PLXNA3: variants seen among roughly 807,000 people sequenced by gnomAD.
The protein encoded by PLXNA3 is plexin-A3.
A neutral mutation model predicts 118.8 loss-of-function variants in PLXNA3; 52 were observed. The ratio of observed to expected loss-of-function variants is 0.44; its 90% confidence interval spans 0.35 to 0.55. The LOEUF is 0.55. Ranked by LOEUF, PLXNA3 falls within the 20% of genes least tolerant of loss-of-function variation. PLXNA3 has a pLI of 0.01. For missense variants in PLXNA3, 1,660 were observed against 1,730.8 expected (o/e 0.96, Z 0.73); for synonymous variants, 925 against 762.4 (o/e 1.21, Z -3.51).
intron 9 of PLXNA3, 72 bp from the exon 10 acceptor site, chrX:154,464,682 A>G: frequency 1.3e-6 from 1 of 778,366 alleles, no homozygotes; most frequent in South Asian, 2.6e-5. Flanking sequence ...TCAGTTCCCG[A>G]TGTGTCCTAT....
rs376749607 is a variant in PLXNA3 at position 154,461,687 on chromosome X, A to G, written c.1134+49A>G. 58 of 1,097,386 alleles carry G rather than the reference A, an allele frequency of 5.3e-5. No homozygotes were observed. The African/African-American group carries it at 9.2e-4, about 17-fold the overall frequency. The allele number at this position is 1,097,386 out of a possible 1,213,427, so 90.4% of individuals were successfully genotyped here. On this transcript the variant is annotated intron_variant, in intron 3 of 32. Transcript: ENST00000369682. ...TGGTCCTCTGCCCTGTCCCAGGTCT[A>G]CCATGCCCAGCGTGGGCTCACGGCC...
rs782671141 is a variant in PLXNA3, at chrX:154,463,603, C to T, written c.1460C>T (p.Pro487Leu). The T allele has an allele frequency of 1.9e-4, 230 of 1,198,106 alleles. 1 individual carries two copies. Among genetic ancestry groups the T allele is most frequent in the Non-Finnish European group, 2.5e-4 (225 of 890,801 alleles). Reference protein sequence around the residue: ...LLSEKQVSQLPVETCEQYQSC... With the variant: ...LLSEKQVSQLLVETCEQYQSC... ...GGCTGTCCCCAGGTGAGCCAGCTCC[C>T]GGTGGAGACCTGTGAGCAGTACCAG... The change falls in exon 6 of 33, where the codon CCG becomes CTG. Residue 487 changes from proline (P) to leucine (L), a missense_variant. Around this residue, in one of 2 missense-constraint regions of PLXNA3, gnomAD observed 791 missense variants for 652.1 expected, o/e 1.21. Transcript: ENST00000369682.
rs199916597 is a variant in PLXNA3, at chrX:154,468,065, C to T, written c.3821-17C>T. ...GACCTCCCTCCTGCCCACTCATTCC[C>T]TCTCTCCACCCCCCAGCTTTTGCAG... On this transcript the variant is annotated splice_polypyrimidine_tract_variant and intron_variant, in intron 21 of 32. Transcript: ENST00000369682. 9.2e-6 allele frequency: 11 copies of T among 1,193,651 alleles called. No homozygotes were observed. The highest frequency in any genetic ancestry group is 1.1e-5 in the Non-Finnish European group (10 of 883,992).
chrX:154,470,083 C>T lies in PLXNA3; in HGVS notation c.4902C>T (p.Asn1634=). The change falls in exon 29 of 33, where the codon AAC becomes AAT. Residue 1634 remains asparagine (N), a synonymous_variant. Transcript: ENST00000369682. ...TGTKLWHLVK[N]HDHADHREGD... ...CCAAATTGTGGCACCTGGTGAAAAA[C>T]CACGACCATGCCGACCATCGCGAGG... is the stretch of plus-strand genomic sequence containing the variant. The T allele has an allele frequency of 8.3e-7, 1 of 1,211,505 alleles. No individual in the cohort carries two copies. The highest frequency in any genetic ancestry group is 1.1e-6 in the Non-Finnish European group (1 of 895,471).
Position 154,465,157 on chromosome X carries a change from G to A in PLXNA3, c.2183G>A (p.Arg728Gln), listed in dbSNP as rs782812977. ...GAGTGCGTGGTGCGGGTGCAGGGGCGGCAGCAGCGGGTGCCTGCCGTGCGC... is the reference window on the plus strand; with the variant it reads ...GAGTGCGTGGTGCGGGTGCAGGGGCAGCAGCAGCGGGTGCCTGCCGTGCGC... ...NYECVVRVQG[R>Q]QQRVPAVRFN... is the part of the protein sequence containing the mutation. Residue 728 changes from arginine to glutamine, a missense_variant, in exon 11 of 33, where the codon CGG becomes CAG. By Grantham distance (43) the Arg-to-Gln change is conservative. Around this residue, in one of 2 missense-constraint regions of PLXNA3, gnomAD observed 869 missense variants for 1,078.7 expected, o/e 0.81. Transcript: ENST00000369682. 5.9e-5 allele frequency: 71 copies of A among 1,208,801 alleles called. No homozygotes were observed. The highest frequency in any genetic ancestry group is 7.2e-5 in the Non-Finnish European group (64 of 894,934).
chrX:154,463,978 C>T lies in PLXNA3; in HGVS notation c.1575C>T (p.Gly525=), dbSNP rs782359286. 81 of 1,188,904 alleles carry T rather than the reference C, an allele frequency of 6.8e-5. No homozygotes were observed. Among genetic ancestry groups the T allele is most frequent in the Non-Finnish European group, 8.1e-5 (72 of 885,248 alleles). ...HRCCREGACL[G]ASAPHGFAEE... The stretch of plus-strand genomic sequence containing the variant: ...GCTGCCGCGAAGGGGCCTGTCTGGG[C>T]GCCTCTGCCCCACACGGCTTTGCTG... The change falls in exon 7 of 33, where the codon GGC becomes GGT. Residue 525 remains glycine, a synonymous_variant. Coordinates refer to ENST00000369682, the MANE Select transcript of PLXNA3 (RefSeq NM_017514.5).
intron 11 of PLXNA3, 81 bp downstream of exon 11, chrX:154,465,299 G>A (rs2069060678): frequency 9.4e-7 from 1 of 1,059,986 alleles, no homozygotes; most frequent in East Asian, 3.1e-5. Context: ...CCAGCTCTCT[G>A]GCAGGGAACT....
Position 154,469,699 on chromosome X carries a change from T to C in PLXNA3, c.4710T>C (p.Gly1570=). The C allele has an allele frequency of 8.3e-7, 1 of 1,209,854 alleles. No homozygotes were observed. Among genetic ancestry groups the C allele is most frequent in the Non-Finnish European group, 1.1e-6 (1 of 893,747 alleles). The change falls in exon 28 of 33, where the codon GGT becomes GGC. Residue 1570 remains glycine (G), a synonymous_variant. Coordinates refer to ENST00000369682, the MANE Select transcript of PLXNA3 (RefSeq NM_017514.5). ...NSLAHYQVTD[G]SLVALVPKQV... is the part of the protein sequence containing the mutation. ...TCTGGGGCCTCCAGGTGACAGACGG[T>C]TCCTTGGTGGCATTGGTGCCCAAAC...
rs926019981 is a variant in PLXNA3, at chrX:154,465,361, C to A, written c.2245-63C>A. ...GTACCTGGAGGAGGGGGGCAGCTGG[C>A]AAAAATCTTGGGTAGGGGTTCTGCA... On this transcript the variant is annotated intron_variant, in intron 11 of 32. Coordinates refer to ENST00000369682, the MANE Select transcript of PLXNA3 (RefSeq NM_017514.5). 2.8e-5 allele frequency: 30 copies of A among 1,075,273 alleles called. No individual in the cohort carries two copies. In the African/African-American group the frequency reaches 4.8e-4, roughly 17 times the overall value. 88.6% of individuals were successfully genotyped at this position (1,075,273 alleles called of 1,213,427 possible).
Position 154,462,145 on chromosome X carries a change from C to T in PLXNA3, c.1152C>T (p.Gly384=), listed in dbSNP as rs781865540. The part of the protein sequence containing the change: ...PCINTPMQIN[G]NFCGLVLNQP... ...TTCACCAGCCCATGCAGATCAACGG[C>T]AACTTCTGTGGGCTGGTGTTGAACC... is the stretch of plus-strand genomic sequence containing the variant. Residue 384 remains glycine (G), a synonymous_variant, in exon 4 of 33, where the codon GGC becomes GGT. Transcript: ENST00000369682. 8.4e-7 allele frequency: 1 copy of T among 1,195,616 alleles called. No individual in the cohort carries two copies. Among genetic ancestry groups the T allele is most frequent in the Non-Finnish European group, 1.1e-6 (1 of 887,172 alleles).
rs781950701 is a variant in PLXNA3 at position 154,460,220 on chromosome X, G to T, written c.37G>T (p.Ala13Ser). The T allele has an allele frequency of 8.3e-7, 1 of 1,209,182 alleles. No individual in the cohort carries two copies. Among genetic ancestry groups the T allele is most frequent in the Non-Finnish European group, 1.1e-6 (1 of 894,233 alleles). ...SVCLLLLLFLAVGGALGNRPF... is the reference protein window; with the variant it reads ...SVCLLLLLFLSVGGALGNRPF... Reference sequence around the variant, plus strand: ...CTGCCTCCTCCTGCTGCTCTTCCTTGCCGTGGGGGGGGCCCTGGGCAACAG... The same window carrying T: ...CTGCCTCCTCCTGCTGCTCTTCCTTTCCGTGGGGGGGGCCCTGGGCAACAG... The change falls in exon 2 of 33, where the codon GCC (alanine) becomes TCC (serine). Residue 13 changes from alanine (A) to serine (S), a missense_variant. By Grantham distance (99) the Ala-to-Ser change is moderately conservative. Transcript: ENST00000369682.
At chrX:154,464,897 G>A in intron 10 of PLXNA3, 29 bp downstream of exon 10, 2 of 1,110,850 alleles carry the variant, frequency 1.8e-6, no homozygotes, top group Non-Finnish European at 2.4e-6. Flanking sequence ...GTGAGGGGCT[G>A]GGCTCTGTGG....
At chrX:154,459,209 C>T (rs782113549) in intron 1 of PLXNA3, among the ~76,000 whole-genome samples, 3 of 107,443 alleles carry the variant, frequency 2.8e-5, no homozygotes, top group East Asian at 5.9e-4. Flanking sequence ...CTCCTATCTC[C>T]CCCGGGAGCT....
chrX:154,463,294 C>T (rs782238931), intron 4 of PLXNA3, 97 bp from the exon 5 acceptor site: 10 of 1,137,705 alleles, frequency 8.8e-6, no homozygotes, highest in East Asian at 6.0e-5. Flanking sequence ...CAGGTCCTGA[C>T]GTCAGCTCAG....
At chrX:154,458,533 C>A (rs1301924490) in intron 1 of PLXNA3, 105 bp downstream of exon 1, 1 of 112,527 alleles carries the variant, frequency 8.9e-6, no homozygotes, top group Non-Finnish European at 1.9e-5. Context: ...CAGGCCCTAT[C>A]CCTGCCCGTC....
chrX:154,464,618 T>TC, intron 9 of PLXNA3, 117 bp downstream of exon 9: 1 of 708,469 alleles, frequency 1.4e-6, no homozygotes, highest in Non-Finnish European at 2.1e-6. Context: ...CAGGCCCTGA[T>TC]AGCCCCTGAC....
chrX:154,464,122 A>G, intron 7 of PLXNA3, 35 bp from the exon 8 acceptor site: 1 of 1,208,521 alleles, frequency 8.3e-7, no homozygotes, highest in South Asian at 1.8e-5. Flanking sequence ...GTGTGCTGGG[A>G]GTCCGCCCTG....
rs891467383 is a variant in PLXNA3 at position 154,475,690 on chromosome X, C to G, written c.*3005C>G. On this transcript the variant is annotated 3_prime_UTR_variant, in exon 33 of 33. Coordinates refer to ENST00000369682, the MANE Select transcript of PLXNA3 (RefSeq NM_017514.5). ...AGAAGTTGCGGGATGACAGCTGTGC[C>G]GTCGGCCCAGACAGAACCATCTGGA... The G allele has an allele frequency of 8.9e-6, 1 of 112,473 alleles. No individual in the cohort carries two copies. The highest frequency in any genetic ancestry group is 1.9e-5 in the Non-Finnish European group (1 of 53,269). The allele number at this position is 112,473 out of a possible 1,213,427, so 9.3% of individuals were successfully genotyped here. A position where few individuals can be genotyped will look rare whatever the true frequency, so the allele number is the denominator to read the frequency against.
intron 2 of PLXNA3, 72 bp from the exon 3 acceptor site, chrX:154,461,027 G>T (rs782508542): frequency 1.0e-6 from 1 of 963,955 alleles, no homozygotes. Context: ...GGGATGCAGA[G>T]GGAAGCTGGC....
Sources: gnomAD v4.1 joint callset for allele counts (sites outside exome capture counted in the v4.1 genomes callset) on GRCh38, gnomAD v4.1.1 for gene constraint, gnomAD v4.1.1 regional missense constraint, MANE v1.5 for transcripts, NCBI Gene and HGNC (gene_info 2026-07-23, HGNC 2026-07-21) for gene names.